NGEF: variants seen among roughly 807,000 people sequenced by gnomAD.
The protein encoded by NGEF is neuronal guanine nucleotide exchange factor.
A neutral mutation model predicts 80.9 loss-of-function variants in NGEF; 31 were observed. That is an observed-to-expected ratio of 0.38 (90% confidence interval 0.29 to 0.52). NGEF has a LOEUF of 0.52. Ranked by LOEUF, NGEF falls within the 20% of genes least tolerant of loss-of-function variation. The pLI, the probability that NGEF is intolerant of heterozygous loss-of-function variation, is 0.84. For synonymous variants in NGEF, 371 were observed against 370.2 expected, an observed-to-expected ratio of 1.00 and a Z score of -0.03; for missense variants, 709 against 926.2, an observed-to-expected ratio of 0.77 and a Z score of 3.04.
chr2:232,879,433 C>CCCA lies in NGEF; in HGVS notation c.*55_*56insTGG. On this transcript the variant is annotated 3_prime_UTR_variant, in exon 15 of 15. Transcript: ENST00000264051. ...GTGCTTCCCAGAGCCCCCCCCCCCC[C>CCCA]ACCTTCTGTCGGGGTCTCATGCAGG... The CCCA allele has an allele frequency of 7.0e-7, 1 of 1,418,598 alleles. No individual in the cohort carries two copies. Among genetic ancestry groups the CCCA allele is most frequent in the South Asian group, 1.4e-5 (1 of 73,940 alleles). 87.9% of individuals were successfully genotyped at this position (1,418,598 alleles called of 1,614,324 possible).
At chr2:233,002,450 G>C (rs1315553041) in intron 1 of NGEF, among the ~76,000 whole-genome samples, 1 of 152,186 alleles carries the variant, frequency 6.6e-6, no homozygotes, top group Non-Finnish European at 1.5e-5. Flanking sequence ...GGCCGAGGCA[G>C]GAGGGTCACT....
chr2:232,954,638 T>C (rs1219249759), intron 3 of NGEF, among the ~76,000 whole-genome samples: 1 of 149,754 alleles, frequency 6.7e-6, no homozygotes, highest in Non-Finnish European at 1.5e-5. Flanking sequence ...GGCAGGACAA[T>C]GGAGTGAACC....
chr2:232,998,141 C>T (rs1000202093), intron 1 of NGEF, among the ~76,000 whole-genome samples: 2 of 152,168 alleles, frequency 1.3e-5, no homozygotes, highest in African/African-American at 4.8e-5. Context: ...CCCCTCTTCC[C>T]AGAGGAAACC....
In NGEF at chr2:232,878,711, A is replaced by G. The variant is rs1691376470; in HGVS notation, c.*778T>C. 1 of 152,608 alleles carries G rather than the reference A, an allele frequency of 6.6e-6. No individual in the cohort carries two copies. The highest frequency in any genetic ancestry group is 2.1e-4 in the South Asian group (1 of 4,828). The allele number at this position is 152,608 out of a possible 1,614,324, so 9.5% of individuals were successfully genotyped here. The stretch of plus-strand genomic sequence containing the variant: ...TAGACCTTCATCTTCTTTATTTTAT[A>G]TATGATGCTTCTTTTAATGCAGCCA... On this transcript the variant is annotated 3_prime_UTR_variant, in exon 15 of 15. Transcript: ENST00000264051.
chr2:232,906,247 C>A (rs1692530137), intron 5 of NGEF, among the ~76,000 whole-genome samples: 1 of 109,458 alleles, frequency 9.1e-6, no homozygotes, highest in East Asian at 3.0e-4. Context: ...CCCGGCCAGC[C>A]GCCCCATCCG....
At chr2:232,944,070 T>C (rs1172125687) in intron 3 of NGEF, among the ~76,000 whole-genome samples, 1 of 151,718 alleles carries the variant, frequency 6.6e-6, no homozygotes, top group Non-Finnish European at 1.5e-5. Flanking sequence ...CCGTCTCTAC[T>C]AAAAGTACAA....
At chr2:232,946,206 TCTCA>T (rs1693554780) in intron 3 of NGEF, among the ~76,000 whole-genome samples, 1 of 151,880 alleles carries the variant, frequency 6.6e-6, no homozygotes, top group African/African-American at 2.4e-5. Flanking sequence ...TATTGTATGT[TCTCA>T]CTCATAAATG....
intron 8 of NGEF, among the ~76,000 whole-genome samples, chr2:232,890,397 C>T (rs932747991): frequency 6.6e-5 from 10 of 152,180 alleles, no homozygotes; most frequent in African/African-American, 1.4e-4. Flanking sequence ...GGCCTGGCTG[C>T]GTCCCTGAGT....
intron 1 of NGEF, among the ~76,000 whole-genome samples, chr2:232,989,224 G>T (rs1694602219): frequency 6.6e-6 from 1 of 152,142 alleles, no homozygotes; most frequent in Non-Finnish European, 1.5e-5. Flanking sequence ...GAGGTGGGTG[G>T]ATCACTTGAG....
intron 5 of NGEF, chr2:232,905,912 C>A (rs1294299760): frequency 3.8e-5 from 6 of 156,232 alleles, no homozygotes; most frequent in South Asian, 9.6e-5. Flanking sequence ...CAGCCCCCCG[C>A]CCGGCCAGCC....
rs374484969 is a variant in NGEF at position 232,920,468 on chromosome 2, G to A, written c.644C>T (p.Pro215Leu). The stretch of plus-strand genomic sequence containing the variant: ...CTCCTCCTCTTCTTCTTCCTCCTCC[G>A]GGGTGTCCTCACTGGCCGGGGACCC... ...TNGSPASEDTPEEEEEEEEEE... is the reference protein window; with the variant it reads ...TNGSPASEDTLEEEEEEEEEE... Residue 215 changes from proline to leucine, a missense_variant, in exon 5 of 15, where the codon CCG becomes CTG. Transcript: ENST00000264051. The A allele has an allele frequency of 8.5e-5, 137 of 1,613,238 alleles. No homozygotes were observed. The highest frequency in any genetic ancestry group is 1.3e-4 in the Admixed American group (8 of 59,924).
chr2:232,902,058 G>A (rs979475510), intron 5 of NGEF, among the ~76,000 whole-genome samples: 55 of 152,226 alleles, frequency 3.6e-4, no homozygotes, highest in African/African-American at 1.3e-3. Flanking sequence ...CCAGAGCCAG[G>A]GGCGCAGGGC....
intron 3 of NGEF, among the ~76,000 whole-genome samples, chr2:232,964,708 G>T (rs1574641050): frequency 1.3e-5 from 2 of 152,122 alleles, no homozygotes; most frequent in South Asian, 4.1e-4. Context: ...TAAAATAAAA[G>T]AACAAAAAGA....
chr2:232,980,177 A>G (rs1299269987), intron 1 of NGEF, among the ~76,000 whole-genome samples: 1 of 152,142 alleles, frequency 6.6e-6, no homozygotes, highest in African/African-American at 2.4e-5. Flanking sequence ...GTGCAGCTTC[A>G]GGCCCAGGAG....
chr2:232,908,973 TTTTA>T (rs959362633), intron 5 of NGEF, among the ~76,000 whole-genome samples: 2 of 152,182 alleles, frequency 1.3e-5, no homozygotes, highest in African/African-American at 2.4e-5. Flanking sequence ...CGTCCAGTGT[TTTTA>T]TTTGATTCTC....
At chr2:232,900,812 TCACA>T (rs1692328886) in intron 5 of NGEF, among the ~76,000 whole-genome samples, 2 of 152,134 alleles carry the variant, frequency 1.3e-5, no homozygotes, top group Admixed American at 6.5e-5. Flanking sequence ...ACACATGCTC[TCACA>T]CAATCACCCA....
At chr2:233,002,476 G>C (rs371155125) in intron 1 of NGEF, among the ~76,000 whole-genome samples, 1 of 151,962 alleles carries the variant, frequency 6.6e-6, no homozygotes, top group Non-Finnish European at 1.5e-5. Flanking sequence ...CCAGGAGTTC[G>C]AGACCAGCCT....
rs1274944227 is a variant in NGEF, at chr2:232,968,093, C to CTTTTTTTTTTTTTTTTTTTTTT, written c.383+2120_383+2121insAAAAAAAAAAAAAAAAAAAAAA. On this transcript the variant is annotated intron_variant, in intron 3 of 14. Coordinates refer to ENST00000264051, the MANE Select transcript of NGEF (RefSeq NM_019850.3). ...TTGCTGAGGGCAGAAACAGACCTGG[C>CTTTTTTTTTTTTTTTTTTTTTT]TTTTTTTTTTTTGAGACAAAGTTTC... Among the ~76,000 whole-genome samples the CTTTTTTTTTTTTTTTTTTTTTT allele has an allele frequency of 1.7e-3, 214 of 125,648 alleles. 21 individuals carry two copies. The highest frequency in any genetic ancestry group is 3.8e-3 in the East Asian group (17 of 4,458). The allele number at this position is 125,648 out of a possible 152,430, so 82.4% of individuals were successfully genotyped here. A position where few individuals can be genotyped will look rare whatever the true frequency, so the allele number is the denominator to read the frequency against.
rs561626474 is a variant in NGEF, at chr2:232,924,705, G to A, written c.526+2339C>T. ...TGTTTGGCTGAATGAACCAACTCTGGAACTTCCTACCTTTGGACTCATTAA... is the reference window on the plus strand; with the variant it reads ...TGTTTGGCTGAATGAACCAACTCTGAAACTTCCTACCTTTGGACTCATTAA... On this transcript the variant is annotated intron_variant, in intron 4 of 14. Coordinates refer to ENST00000264051, the MANE Select transcript of NGEF (RefSeq NM_019850.3). Among the ~76,000 whole-genome samples the A allele has an allele frequency of 4.6e-5, 7 of 152,232 alleles. No individual in the cohort carries two copies. In the South Asian group the frequency reaches 1.5e-3, roughly 32 times the overall value.
Sources: allele counts gnomAD v4.1 joint callset (sites outside exome capture counted in the v4.1 genomes callset), GRCh38; gene constraint gnomAD v4.1.1; transcripts MANE v1.5; gene names NCBI Gene and HGNC (gene_info 2026-07-23, HGNC 2026-07-21).